Variants in KCNJ3 observed in about 807,000 individuals in gnomAD.
The protein encoded by KCNJ3 is G protein-activated inward rectifier potassium channel 1.
In KCNJ3, 4 loss-of-function variants were observed where a neutral mutation model predicts 39.2. The ratio of observed to expected loss-of-function variants is 0.10; its 90% CI spans 0.05 to 0.23. The LOEUF (loss-of-function observed/expected upper bound fraction) is 0.23, where lower values mean the gene tolerates loss of function less well. Among genes scored for constraint, KCNJ3 ranks in the 10% least tolerant of loss-of-function variants. KCNJ3 has a pLI of 1.00. For synonymous variants in KCNJ3, 230 were observed against 237.4 expected (o/e 0.97, Z 0.29); for missense variants, 276 against 634.9 (o/e 0.43, Z 6.08).
At chr2:154,760,969 C>G (rs1404526101) in intron 2 of KCNJ3, among the ~76,000 whole-genome samples, 1 of 151,252 alleles carries the variant, frequency 6.6e-6, no homozygotes, top group Non-Finnish European at 1.5e-5. Context: ...AATCTCCTGA[C>G]CTCATGATCC....
intron 2 of KCNJ3, among the ~76,000 whole-genome samples, chr2:154,726,022 A>C (rs1009238956): frequency 6.6e-6 from 1 of 152,148 alleles, no homozygotes. Context: ...AGATAACATT[A>C]GAAAACACCT....
At chr2:154,815,727 G>T (rs959408932) in intron 2 of KCNJ3, among the ~76,000 whole-genome samples, 1 of 152,164 alleles carries the variant, frequency 6.6e-6, no homozygotes, top group Non-Finnish European at 1.5e-5. Context: ...CTTGTTCCCT[G>T]ATTCAATTCT....
In KCNJ3 at chr2:154,855,340, A is replaced by T. The variant is rs1043776157; in HGVS notation, c.*27A>T. On this transcript the variant is annotated 3_prime_UTR_variant, in exon 3 of 3. Coordinates refer to ENST00000295101, the MANE Select transcript of KCNJ3 (RefSeq NM_002239.4). ...AAAGCACTCCCTTAGGCATTATTTA[A>T]TGTTTGATTTAGTAATAGTCCAATA... The T allele has an allele frequency of 4.1e-6, 6 of 1,447,602 alleles. No homozygotes were observed. The highest frequency in any genetic ancestry group is 5.6e-6 in the Non-Finnish European group (6 of 1,065,780). The allele number at this position is 1,447,602 out of a possible 1,614,324, so 89.7% of individuals were successfully genotyped here.
chr2:154,754,037 AT>A (rs1219823096), intron 2 of KCNJ3, among the ~76,000 whole-genome samples: 2 of 152,050 alleles, frequency 1.3e-5, no homozygotes, highest in African/African-American at 4.8e-5. Context: ...TTCCACCACT[AT>A]TTTTTAATAA....
intron 2 of KCNJ3, among the ~76,000 whole-genome samples, chr2:154,777,516 G>A (rs1319946845): frequency 7.2e-5 from 11 of 151,920 alleles, no homozygotes; most frequent in Admixed American, 1.3e-4. Flanking sequence ...TTTTGTTTCC[G>A]CTTCGCTTTT....
Position 154,722,467 on chromosome 2 carries a change from C to T in KCNJ3, c.919+12648C>T, listed in dbSNP as rs144769991. Among the ~76,000 whole-genome samples the T allele has an allele frequency of 1.2e-4, 19 of 152,124 alleles. No individual in the cohort carries two copies. The East Asian group carries it at 3.7e-3, about 29-fold the overall frequency. ...AAAAGAGTGAAGAAAGTTGGGGGAC[C>T]TCAAGTGTAAGAGAAGAGAAGAACT... On this transcript the variant is annotated intron_variant, in intron 2 of 2. Coordinates refer to ENST00000295101, the MANE Select transcript of KCNJ3 (RefSeq NM_002239.4).
intron 2 of KCNJ3, among the ~76,000 whole-genome samples, chr2:154,804,779 C>T (rs1418552271): frequency 6.6e-6 from 1 of 152,130 alleles, no homozygotes; most frequent in Non-Finnish European, 1.5e-5. Context: ...GTCAGTATCA[C>T]CCAAAGCTGA....
chr2:154,778,094 A>C (rs1686370810), intron 2 of KCNJ3, among the ~76,000 whole-genome samples: 1 of 150,680 alleles, frequency 6.6e-6, no homozygotes, highest in East Asian at 2.0e-4. Context: ...TGTAATACTT[A>C]TAACATTGTG....
intron 2 of KCNJ3, among the ~76,000 whole-genome samples, chr2:154,813,900 C>T (rs530154964): frequency 2.0e-4 from 30 of 152,238 alleles, no homozygotes; most frequent in African/African-American, 6.5e-4. Context: ...ATGCATTATC[C>T]CTTTAATGTT....
At chr2:154,764,888 TC>T (rs148461772) in intron 2 of KCNJ3, among the ~76,000 whole-genome samples, 5,747 of 152,284 alleles carry the variant, frequency 0.038, 342 homozygotes, top group African/African-American at 0.13. Context: ...TTTTTGTATT[TC>T]AAAGCCTTTG....
At chr2:154,711,302 T>A (rs1466631196) in intron 2 of KCNJ3, among the ~76,000 whole-genome samples, 2 of 152,114 alleles carry the variant, frequency 1.3e-5, no homozygotes, top group East Asian at 1.9e-4. Context: ...TAGTAATGTA[T>A]TAGGGCTTAA....
chr2:154,703,479 A>ATGTGTGTG (rs3138640), intron 1 of KCNJ3, among the ~76,000 whole-genome samples: 5,025 of 148,234 alleles, frequency 0.034, 89 homozygotes, highest in South Asian at 0.072. Flanking sequence ...CTCCATATAT[A>ATGTGTGTG]TGTGTGTGTG....
At chr2:154,794,882 A>G (rs2652444) in intron 2 of KCNJ3, among the ~76,000 whole-genome samples, 22,534 of 151,984 alleles carry the variant, frequency 0.15, 1,899 homozygotes, top group East Asian at 0.37. Context: ...GAACATCCTT[A>G]AAAGAAAGCC....
At chr2:154,814,232 C>T (rs973673753) in intron 2 of KCNJ3, among the ~76,000 whole-genome samples, 2 of 152,118 alleles carry the variant, frequency 1.3e-5, no homozygotes, top group African/African-American at 4.8e-5. Flanking sequence ...GCTCTATTCC[C>T]AGGGCACATG....
chr2:154,736,309 T>C lies in KCNJ3; in HGVS notation c.919+26490T>C, dbSNP rs147848266. ...AGAGACACTCAAGGAAACAGAATTA[T>C]GTGCCCTTTTGCCATTGCATCTTGC... On this transcript the variant is annotated intron_variant, in intron 2 of 2. Coordinates refer to ENST00000295101, the MANE Select transcript of KCNJ3 (RefSeq NM_002239.4). Among the ~76,000 whole-genome samples, 377 of 141,788 alleles carry C rather than the reference T, an allele frequency of 2.7e-3. 4 individuals carry two copies. The highest frequency in any genetic ancestry group is 9.2e-3 in the African/African-American group (356 of 38,550). 93.0% of individuals were successfully genotyped at this position (141,788 alleles called of 152,430 possible).
chr2:154,836,623 A>T (rs1056874383), intron 2 of KCNJ3, among the ~76,000 whole-genome samples: 2 of 146,984 alleles, frequency 1.4e-5, no homozygotes, highest in Admixed American at 1.4e-4. Context: ...AAAATAATAT[A>T]TATTTGTGAT....
intron 2 of KCNJ3, among the ~76,000 whole-genome samples, chr2:154,833,938 G>A (rs1166571289): frequency 6.6e-6 from 1 of 151,998 alleles, no homozygotes; most frequent in Non-Finnish European, 1.5e-5. Flanking sequence ...CCTACTGAAG[G>A]CATCTCCATG....
chr2:154,749,875 CAT>C (rs1574446871), intron 2 of KCNJ3, among the ~76,000 whole-genome samples: 2 of 151,854 alleles, frequency 1.3e-5, no homozygotes, highest in East Asian at 1.9e-4. Flanking sequence ...TGTAAGGACT[CAT>C]GTGATTAGAT....
chr2:154,767,489 T>C (rs570358793), intron 2 of KCNJ3, among the ~76,000 whole-genome samples: 2 of 152,312 alleles, frequency 1.3e-5, no homozygotes, highest in African/African-American at 4.8e-5. Flanking sequence ...TCCAGCTTCA[T>C]CCATGTCCCT....
Sources: gnomAD v4.1 joint callset for allele counts (sites outside exome capture counted in the v4.1 genomes callset) on GRCh38, gnomAD v4.1.1 for gene constraint, MANE v1.5 for transcripts, NCBI Gene and HGNC (gene_info 2026-07-23, HGNC 2026-07-21) for gene names.